Variants in PARVA observed in about 807,000 individuals in gnomAD.
PARVA encodes alpha-parvin.
Under a neutral mutation model 52.6 loss-of-function variants are expected in PARVA, and 25 were observed. The ratio of observed to expected loss-of-function variants is 0.48; its 90% CI spans 0.35 to 0.66. The LOEUF (loss-of-function observed/expected upper bound fraction) is 0.66, where lower values mean the gene tolerates loss of function less well. PARVA is among the 30% of genes least tolerant of loss of function. PARVA has a pLI of 0.01. For synonymous variants in PARVA, 185 were observed against 179.1 expected (o/e 1.03, Z -0.26); for missense variants, 373 against 450.9 (o/e 0.83, Z 1.56).
intron 1 of PARVA, among the ~76,000 whole-genome samples, chr11:12,382,974 G>A (rs1256721647): frequency 1.3e-5 from 2 of 152,168 alleles, no homozygotes; most frequent in African/African-American, 4.8e-5. Flanking sequence ...ATTATGGACT[G>A]CACTGGCTTT....
In PARVA at chr11:12,504,332, T is replaced by G. The variant is rs1315546563; in HGVS notation, c.560T>G (p.Leu187Arg). 3 of 1,610,522 alleles carry G rather than the reference T, an allele frequency of 1.9e-6. No individual in the cohort carries two copies. Among genetic ancestry groups the G allele is most frequent in the African/African-American group, 2.7e-5 (2 of 74,858 alleles). ...ATTTCAGCTGTTCATGCCAAGAGCC[T>G]GGTGGCCATCTTACACCTGCTCGTT... is the stretch of plus-strand genomic sequence containing the variant. ...WNVDSVHAKS[L>R]VAILHLLVAL... Residue 187 changes from leucine to arginine, a missense_variant, in exon 6 of 13, where the codon CTG becomes CGG. Leu to Arg is a moderately radical substitution (Grantham distance 102, BLOSUM62 -2). Coordinates refer to ENST00000334956, the MANE Select transcript of PARVA (RefSeq NM_018222.5).
chr11:12,508,629 A>C lies in PARVA; in HGVS notation c.703A>C (p.Thr235Pro). 6.2e-7 allele frequency: 1 copy of C among 1,607,692 alleles called. No individual in the cohort carries two copies. The highest frequency in any genetic ancestry group is 8.5e-7 in the Non-Finnish European group (1 of 1,176,604). ...GTCTCGGCAAATCCAAGAGGAAATA[A>C]CTGGTAACACAGAGTATGTCAACAC... ...LQSRQIQEEI[T>P]GNTEALSGRH... is the part of the protein sequence containing the mutation. The change falls in exon 7 of 13, where the codon ACT becomes CCT. Residue 235 changes from threonine to proline, a missense_variant. By Grantham distance (38) the Thr-to-Pro change is conservative (BLOSUM62 -1). Transcript: ENST00000334956.
Position 12,496,541 on chromosome 11 carries a change from G to A in PARVA, c.484G>A (p.Glu162Lys). ...AQKQKLQTVL[E>K]KINETLKLPP... is the part of the protein sequence containing the mutation. ...GAAGCAAAAACTGCAGACTGTCCTG[G>A]AGAAGATCAATGAAACCCTGAAACT... is the stretch of plus-strand genomic sequence containing the variant. The change falls in exon 5 of 13, where the codon GAG becomes AAG. Residue 162 changes from glutamate (E) to lysine (K), a missense_variant. Coordinates refer to ENST00000334956, the MANE Select transcript of PARVA (RefSeq NM_018222.5). 1.9e-6 allele frequency: 3 copies of A among 1,611,538 alleles called. No homozygotes were observed. The highest frequency in any genetic ancestry group is 1.1e-5 in the South Asian group (1 of 90,088).
chr11:12,403,954 A>G (rs1939865583), intron 1 of PARVA, among the ~76,000 whole-genome samples: 2 of 152,208 alleles, frequency 1.3e-5, no homozygotes, highest in South Asian at 2.1e-4. Flanking sequence ...AATGGAAACA[A>G]TTTACACTTT....
Position 12,535,128 on chromosome 11 carries a change from T to C in PARVA, c.*7203T>C, listed in dbSNP as rs1176467613. ...TCTCCTGAGTCTACTTTCTGCATCA[T>C]TGGTTCTCCCAGCTCACTTCCATAA... On this transcript the variant is annotated 3_prime_UTR_variant, in exon 13 of 13. Transcript: ENST00000334956. Among the ~76,000 whole-genome samples, 2 of 152,210 alleles carry C rather than the reference T, an allele frequency of 1.3e-5. No individual in the cohort carries two copies. Among genetic ancestry groups the C allele is most frequent in the East Asian group, 1.9e-4 (1 of 5,186 alleles).
intron 10 of PARVA, among the ~76,000 whole-genome samples, chr11:12,515,882 G>A (rs1941561459): frequency 6.6e-6 from 1 of 152,158 alleles, no homozygotes; most frequent in African/African-American, 2.4e-5. Flanking sequence ...TGTCATGCAG[G>A]CTAGAGTGCA....
chr11:12,385,812 G>T (rs543468284), intron 1 of PARVA, among the ~76,000 whole-genome samples: 1 of 152,130 alleles, frequency 6.6e-6, no homozygotes, highest in African/African-American at 2.4e-5. Flanking sequence ...AAGCATGTAC[G>T]TGTACATGAG....
At chr11:12,433,194 A>T (rs916149300) in intron 1 of PARVA, among the ~76,000 whole-genome samples, 9 of 152,154 alleles carry the variant, frequency 5.9e-5, no homozygotes, top group African/African-American at 2.2e-4. Flanking sequence ...ACCCAGCTGA[A>T]ACTTTCCCGG....
intron 12 of PARVA, among the ~76,000 whole-genome samples, chr11:12,522,027 G>A (rs977377015): frequency 9.9e-5 from 15 of 152,200 alleles, no homozygotes; most frequent in Admixed American, 9.8e-4. Context: ...CATTTATGTT[G>A]TTTTTAGGCC....
intron 6 of PARVA, among the ~76,000 whole-genome samples, chr11:12,508,213 T>G (rs1207200961): frequency 6.6e-6 from 1 of 151,506 alleles, no homozygotes; most frequent in African/African-American, 2.4e-5. Flanking sequence ...TTTCTCAGCT[T>G]CCCTCTGTGG....
chr11:12,465,837 T>C (rs1940846962), intron 1 of PARVA, among the ~76,000 whole-genome samples: 1 of 152,370 alleles, frequency 6.6e-6, no homozygotes, highest in African/African-American at 2.4e-5. Flanking sequence ...TTCAGGGTTT[T>C]GTGTGAACAT....
chr11:12,475,750 G>T (rs1033028028), intron 3 of PARVA, among the ~76,000 whole-genome samples: 1 of 152,216 alleles, frequency 6.6e-6, no homozygotes, highest in East Asian at 1.9e-4. Flanking sequence ...GGCAGCCTTG[G>T]CTAGGCCGCC....
At chr11:12,406,669 T>G (rs1020624167) in intron 1 of PARVA, among the ~76,000 whole-genome samples, 1 of 97,750 alleles carries the variant, frequency 1.0e-5, no homozygotes, top group African/African-American at 4.9e-5. Context: ...CTGTTTTTTT[T>G]TTTTTTTTTT....
At chr11:12,469,659 A>T (rs1940905309) in intron 1 of PARVA, among the ~76,000 whole-genome samples, 1 of 152,144 alleles carries the variant, frequency 6.6e-6, no homozygotes, top group African/African-American at 2.4e-5. Context: ...TTGCATATTC[A>T]CTTTTACAAA....
At chr11:12,424,846 A>G (rs1245508366) in intron 1 of PARVA, among the ~76,000 whole-genome samples, 11 of 152,148 alleles carry the variant, frequency 7.2e-5, no homozygotes, top group African/African-American at 2.7e-4. Flanking sequence ...CTTTTTTTCT[A>G]TCAAAGTTTT....
At chr11:12,459,366 C>G (rs982728463) in intron 1 of PARVA, among the ~76,000 whole-genome samples, 1 of 151,832 alleles carries the variant, frequency 6.6e-6, no homozygotes, top group African/African-American at 2.4e-5. Flanking sequence ...GATCATATTA[C>G]TGCACGCCAG....
At chr11:12,403,878 G>T (rs1000782003) in intron 1 of PARVA, among the ~76,000 whole-genome samples, 3 of 152,228 alleles carry the variant, frequency 2.0e-5, no homozygotes, top group African/African-American at 7.2e-5. Context: ...TTCATCCAAA[G>T]TAGCTCTCAG....
chr11:12,462,539 A>G (rs949825869), intron 1 of PARVA, among the ~76,000 whole-genome samples: 10 of 152,228 alleles, frequency 6.6e-5, no homozygotes, highest in Admixed American at 6.5e-4. Flanking sequence ...CTTTGACTTT[A>G]GCCCAGTGAG....
In PARVA at chr11:12,532,517, G is replaced by A. The variant is rs1408011272; in HGVS notation, c.*4592G>A. 1.3e-5 allele frequency among the ~76,000 whole-genome samples: 2 copies of A among 152,198 alleles called. No homozygotes were observed. Among genetic ancestry groups the A allele is most frequent in the African/African-American group, 2.4e-5 (1 of 41,446 alleles). Reference sequence around the variant, plus strand: ...GTCATATATTCGGCAAGTATGTGTTGAGTGCAGCATGTCCAAGGGTGAGTG... The same window carrying A: ...GTCATATATTCGGCAAGTATGTGTTAAGTGCAGCATGTCCAAGGGTGAGTG... On this transcript the variant is annotated 3_prime_UTR_variant, in exon 13 of 13. Transcript: ENST00000334956.
Sources: gnomAD v4.1 joint callset for allele counts (sites outside exome capture counted in the v4.1 genomes callset) on GRCh38, gnomAD v4.1.1 for gene constraint, MANE v1.5 for transcripts, NCBI Gene and HGNC (gene_info 2026-07-23, HGNC 2026-07-21) for gene names.